MDM4: variants seen among roughly 807,000 people sequenced by gnomAD.
MDM4 encodes MDM4 regulator of p53, also known as protein Mdm4.
Under a neutral mutation model 60.2 loss-of-function variants are expected in MDM4, and 2 were observed. The observed-to-expected ratio is 0.03, with a 90% CI of 0.01 to 0.10. MDM4 has a LOEUF of 0.10. Among genes scored for constraint, MDM4 ranks in the 10% least tolerant of loss-of-function variants. MDM4 has a pLI of 1.00. For synonymous variants in MDM4, 202 were observed against 198.1 expected, an observed-to-expected ratio of 1.02 and a Z score of -0.17; for missense variants, 447 against 577.5, an observed-to-expected ratio of 0.77 and a Z score of 2.32.
At chr1:204,528,877 C>T (rs1458316990) in intron 3 of MDM4, 5 of 1,590,520 alleles carry the variant, frequency 3.1e-6, no homozygotes, top group Non-Finnish European at 4.3e-6. Context: ...GTGACGACGT[C>T]CTTGAAGCTG....
intron 3 of MDM4, among the ~76,000 whole-genome samples, chr1:204,527,128 C>CT (rs1464765407): frequency 3.3e-5 from 3 of 92,290 alleles, no homozygotes; most frequent in Non-Finnish European, 8.5e-5. Context: ...AACCCTGTCT[C>CT]TAAAAAAAAA....
chr1:204,527,108 A>T (rs1435718340), intron 3 of MDM4, among the ~76,000 whole-genome samples: 2 of 148,834 alleles, frequency 1.3e-5, no homozygotes, highest in Non-Finnish European at 3.0e-5. Flanking sequence ...CAGCCTGGGC[A>T]ACATGATGAA....
At chr1:204,518,857 G>A (rs1302980541) in intron 1 of MDM4, among the ~76,000 whole-genome samples, 1 of 152,154 alleles carries the variant, frequency 6.6e-6, no homozygotes, top group Non-Finnish European at 1.5e-5. Flanking sequence ...GTAGAGAGAG[G>A]TTTTCATTAT....
chr1:204,534,084 A>T (rs563908570), intron 5 of MDM4, among the ~76,000 whole-genome samples: 1 of 152,220 alleles, frequency 6.6e-6, no homozygotes, highest in East Asian at 1.9e-4. Flanking sequence ...CCGCCCCCAG[A>T]CCTAAATCAA....
intron 1 of MDM4, among the ~76,000 whole-genome samples, chr1:204,523,202 G>A (rs1441912757): frequency 6.7e-6 from 1 of 149,690 alleles, no homozygotes; most frequent in East Asian, 2.0e-4. Flanking sequence ...AGACGTGGTG[G>A]CTCATGCCTG....
rs1663359834 is a variant in MDM4, at chr1:204,553,406, C to T, written c.*3724C>T. On this transcript the variant is annotated 3_prime_UTR_variant, in exon 11 of 11. Transcript: ENST00000367182. Reference sequence around the variant, plus strand: ...CCAAATTGCTCCCATTTTTCTGCATCCCACCTGGTTTCTTTCTGCATGTCC... The same window carrying T: ...CCAAATTGCTCCCATTTTTCTGCATTCCACCTGGTTTCTTTCTGCATGTCC... 4.4e-6 allele frequency: 1 copy of T among 225,928 alleles called. No individual in the cohort carries two copies. The highest frequency in any genetic ancestry group is 8.8e-6 in the Non-Finnish European group (1 of 113,398). 14.0% of individuals were successfully genotyped at this position (225,928 alleles called of 1,614,324 possible).
At chr1:204,532,444 C>A in intron 5 of MDM4, 198 bp downstream of exon 5, 1 of 570,664 alleles carries the variant, frequency 1.8e-6, no homozygotes, top group Non-Finnish European at 3.1e-6. Flanking sequence ...GAAGGATTTC[C>A]ACTTTCTAGA....
chr1:204,532,808 A>C, intron 5 of MDM4: 1 of 1,611,726 alleles, frequency 6.2e-7, no homozygotes, highest in Non-Finnish European at 8.5e-7. Context: ...CACGCTCTAG[A>C]GTTGGCAGAT....
intron 7 of MDM4, among the ~76,000 whole-genome samples, chr1:204,541,436 T>A (rs1415989021): frequency 6.6e-6 from 1 of 152,040 alleles, no homozygotes; most frequent in Non-Finnish European, 1.5e-5. Flanking sequence ...TGAATCAATA[T>A]CATGTCACTG....
At chr1:204,517,527 C>T (rs1321033656) in intron 1 of MDM4, among the ~76,000 whole-genome samples, 1 of 151,876 alleles carries the variant, frequency 6.6e-6, no homozygotes, top group Non-Finnish European at 1.5e-5. Flanking sequence ...CCTCAGCCTC[C>T]CGGGTCGCTG....
In MDM4 at chr1:204,542,916, A is replaced by G. The variant is rs759193175; in HGVS notation, c.644A>G (p.Asn215Ser). Residue 215 changes from asparagine (N) to serine (S), a missense_variant, in exon 8 of 11, where the codon AAT becomes AGT. Around this residue, in one of 8 missense-constraint regions of MDM4, gnomAD observed 184 missense variants for 179.3 expected, o/e 1.03. Coordinates refer to ENST00000367182, the MANE Select transcript of MDM4 (RefSeq NM_002393.5). Reference protein sequence around the residue: ...NLRSNYTPRSNGSTDLQTNQD... With the variant: ...NLRSNYTPRSSGSTDLQTNQD... Reference sequence around the variant, plus strand: ...AGAAGCAACTATACACCTAGAAGTAATGGCTCAACTGATTTACAGACAAAT... The same window carrying G: ...AGAAGCAACTATACACCTAGAAGTAGTGGCTCAACTGATTTACAGACAAAT... 1 of 1,611,176 alleles carries G rather than the reference A, an allele frequency of 6.2e-7. No homozygotes were observed. Among genetic ancestry groups the G allele is most frequent in the South Asian group, 1.1e-5 (1 of 90,146 alleles).
chr1:204,537,194 G>GT (rs1001027756), intron 5 of MDM4, among the ~76,000 whole-genome samples: 56 of 151,818 alleles, frequency 3.7e-4, no homozygotes, highest in Middle Eastern at 3.4e-3. Flanking sequence ...ATTTTTCACT[G>GT]TTTTTTTTCC....
chr1:204,536,083 A>G (rs1373374863), intron 5 of MDM4, among the ~76,000 whole-genome samples: 1 of 152,050 alleles, frequency 6.6e-6, no homozygotes. Flanking sequence ...AAGATGATAA[A>G]ATCCTGTCTC....
intron 3 of MDM4, among the ~76,000 whole-genome samples, chr1:204,528,074 A>ATTTTTTTTTTTTTTTTTT (rs11440400): frequency 7.1e-6 from 1 of 140,342 alleles, no homozygotes. Context: ...AAAGTCTGGA[A>ATTTTTTTTTTTTTTTTTT]TTTTTTTTTT....
In MDM4 at chr1:204,557,162, A is replaced by G. The variant is rs1663586547; in HGVS notation, c.*7480A>G. 5.1e-6 allele frequency: 1 copy of G among 196,436 alleles called. No individual in the cohort carries two copies. The highest frequency in any genetic ancestry group is 1.9e-4 in the South Asian group (1 of 5,206). The allele number at this position is 196,436 out of a possible 1,614,324, so 12.2% of individuals were successfully genotyped here. On this transcript the variant is annotated 3_prime_UTR_variant, in exon 11 of 11. Coordinates refer to ENST00000367182, the MANE Select transcript of MDM4 (RefSeq NM_002393.5). ...CTTGGTGTACCAAGCTCTGGGGTAT[A>G]TATTCAGAATACCTCATGTTCTGGA...
chr1:204,538,453 C>T (rs1365960131), intron 7 of MDM4, 145 bp downstream of exon 7: 6 of 602,942 alleles, frequency 1.0e-5, no homozygotes, highest in African/African-American at 1.9e-5. Context: ...AGCCTAGTTA[C>T]TACCATTGTT....
At chr1:204,547,844 C>T (rs886113902) in intron 10 of MDM4, among the ~76,000 whole-genome samples, 1 of 152,252 alleles carries the variant, frequency 6.6e-6, no homozygotes, top group South Asian at 2.1e-4. Flanking sequence ...CTGCCTCAGT[C>T]TCCCAAGTAG....
chr1:204,532,828 G>A (rs1184928407), intron 5 of MDM4: 1 of 1,610,492 alleles, frequency 6.2e-7, no homozygotes, highest in Non-Finnish European at 8.5e-7. Context: ...TTGTATCCTT[G>A]TGATTTTGTT....
chr1:204,520,762 G>C (rs1185636308), intron 1 of MDM4, among the ~76,000 whole-genome samples: 1 of 152,156 alleles, frequency 6.6e-6, no homozygotes, highest in East Asian at 1.9e-4. Context: ...TGTAGTCCCA[G>C]ATAATCAGGA....
Sources: gnomAD v4.1 joint callset for allele counts (sites outside exome capture counted in the v4.1 genomes callset) on GRCh38, gnomAD v4.1.1 for gene constraint, gnomAD v4.1.1 regional missense constraint, MANE v1.5 for transcripts, NCBI Gene and HGNC (gene_info 2026-07-23, HGNC 2026-07-21) for gene names.